Variants in GLIPR1L1 observed in about 807,000 individuals in gnomAD.
GLIPR1L1 encodes the protein GLIPR1-like protein 1.
A neutral mutation model predicts 29.9 loss-of-function variants in GLIPR1L1; 26 were observed. The observed-to-expected ratio is 0.87, with a 90% CI of 0.64 to 1.21. The LOEUF (loss-of-function observed/expected upper bound fraction) is 1.21. Among genes scored for constraint, GLIPR1L1 ranks in the 50% most tolerant of loss-of-function variants. The pLI is 0.00. For synonymous variants in GLIPR1L1, 77 were observed against 97.5 expected, an observed-to-expected ratio of 0.79 and a Z score of 1.24; for missense variants, 305 against 290.3, an observed-to-expected ratio of 1.05 and a Z score of -0.37.
chr12:75,352,314 C>A (rs949679911), intron 3 of GLIPR1L1, among the ~76,000 whole-genome samples: 7 of 152,116 alleles, frequency 4.6e-5, no homozygotes, highest in African/African-American at 1.7e-4. Flanking sequence ...GAAAATTTAC[C>A]AAGCAAATGG....
chr12:75,336,611 A>C (rs999791248), intron 1 of GLIPR1L1, among the ~76,000 whole-genome samples: 1 of 151,822 alleles, frequency 6.6e-6, no homozygotes, highest in Non-Finnish European at 1.5e-5. Flanking sequence ...AAGACACAGC[A>C]ATCTTCAATA....
At chr12:75,362,135 T>A (rs2043637262) in intron 3 of GLIPR1L1, among the ~76,000 whole-genome samples, 1 of 151,970 alleles carries the variant, frequency 6.6e-6, no homozygotes, top group Non-Finnish European at 1.5e-5. Flanking sequence ...AATTATCAAA[T>A]AAAGGATGTA....
intron 3 of GLIPR1L1, among the ~76,000 whole-genome samples, chr12:75,358,610 A>C (rs1164283192): frequency 6.6e-6 from 1 of 150,734 alleles, no homozygotes; most frequent in African/African-American, 2.4e-5. Flanking sequence ...ATAGTAAAAA[A>C]AAATTGTATG....
chr12:75,369,092 A>G (rs1170972300), intron 4 of GLIPR1L1, among the ~76,000 whole-genome samples: 5 of 151,980 alleles, frequency 3.3e-5, no homozygotes, highest in East Asian at 1.9e-4. Context: ...GCAATATAGC[A>G]TAACAGTTAT....
chr12:75,345,331 C>A (rs1300603979), intron 2 of GLIPR1L1, among the ~76,000 whole-genome samples: 1 of 151,990 alleles, frequency 6.6e-6, no homozygotes, highest in African/African-American at 2.4e-5. Flanking sequence ...ACCATTACTT[C>A]CTATAATTTT....
intron 4 of GLIPR1L1, among the ~76,000 whole-genome samples, chr12:75,365,730 TAGTC>T (rs1353513527): frequency 6.6e-6 from 1 of 152,150 alleles, no homozygotes; most frequent in Non-Finnish European, 1.5e-5. Flanking sequence ...AAAACTGTGA[TAGTC>T]ATCATTTAAA....
chr12:75,350,282 T>G (rs1428261418), intron 3 of GLIPR1L1, among the ~76,000 whole-genome samples: 1 of 152,238 alleles, frequency 6.6e-6, no homozygotes, highest in Non-Finnish European at 1.5e-5. Flanking sequence ...CACAGTATCA[T>G]GGACTGCAAT....
chr12:75,363,674 A>G (rs985198982), intron 4 of GLIPR1L1, among the ~76,000 whole-genome samples: 28 of 151,312 alleles, frequency 1.9e-4, no homozygotes, highest in East Asian at 1.4e-3. Flanking sequence ...AGGCCAGAGG[A>G]AAAAAAAATG....
rs2042733003 is a variant in GLIPR1L1 at position 75,350,469 on chromosome 12, T to C, written c.521+2747T>C. 3.3e-5 allele frequency among the ~76,000 whole-genome samples: 5 copies of C among 152,162 alleles called. 1 individual carries two copies. The South Asian group carries it at 1.0e-3, about 31-fold the overall frequency. On this transcript the variant is annotated intron_variant, in intron 3 of 5. Coordinates refer to ENST00000378695, the MANE Select transcript of GLIPR1L1 (RefSeq NM_001304964.2). ...GGCGGGCATCAGGTCAATGCCCCTC[T>C]GGGACAGAATGCCCAGTGGAAAGAT...
intron 4 of GLIPR1L1, chr12:75,369,370 A>G (rs2044204856): frequency 4.1e-6 from 1 of 243,240 alleles, no homozygotes; most frequent in Admixed American, 6.5e-5. Flanking sequence ...TTTTTCCACA[A>G]TAAAAGGGAT....
rs2042216779 is a variant in GLIPR1L1, at chr12:75,342,967, T to TC, written c.175-726_175-725insC. Among the ~76,000 whole-genome samples the TC allele has an allele frequency of 2.0e-5, 3 of 151,860 alleles. No homozygotes were observed. In the South Asian group the frequency reaches 6.2e-4, roughly 31 times the overall value. On this transcript the variant is annotated intron_variant, in intron 1 of 5. Transcript: ENST00000378695. ...GAATATATAGATATATAATAGATTTTGCATATTTTCCTTGTATCTTTCAAC... is the reference window on the plus strand; with the variant it reads ...GAATATATAGATATATAATAGATTTTCGCATATTTTCCTTGTATCTTTCAAC...
chr12:75,339,841 T>A lies in GLIPR1L1; in HGVS notation c.175-3852T>A, dbSNP rs117204028. 7.4e-4 allele frequency among the ~76,000 whole-genome samples: 112 copies of A among 152,200 alleles called. 3 individuals are homozygous for A. In the East Asian group the frequency reaches 0.018, roughly 25 times the overall value. On this transcript the variant is annotated intron_variant, in intron 1 of 5. Coordinates refer to ENST00000378695, the MANE Select transcript of GLIPR1L1 (RefSeq NM_001304964.2). Reference sequence around the variant, plus strand: ...TTCTCCCAGCGGAAAAGTTATTTACTGGTGATTTCTGAGATTTTGGTGCAC... The same window carrying A: ...TTCTCCCAGCGGAAAAGTTATTTACAGGTGATTTCTGAGATTTTGGTGCAC...
chr12:75,360,413 A>G (rs978338235), intron 3 of GLIPR1L1: 3 of 152,220 alleles, frequency 2.0e-5, no homozygotes, highest in Non-Finnish European at 2.9e-5. Flanking sequence ...TCCTAGATAC[A>G]ATGGGGATAC....
chr12:75,350,596 C>G (rs1175932277), intron 3 of GLIPR1L1, among the ~76,000 whole-genome samples: 2 of 152,156 alleles, frequency 1.3e-5, no homozygotes, highest in Non-Finnish European at 1.5e-5. Context: ...CAGGAAACCA[C>G]AGCAGCCCTA....
chr12:75,340,333 A>C (rs997467082), intron 1 of GLIPR1L1, among the ~76,000 whole-genome samples: 4 of 151,892 alleles, frequency 2.6e-5, no homozygotes, highest in African/African-American at 9.7e-5. Flanking sequence ...AAGATGCAAA[A>C]GTAATTCAGG....
At chr12:75,337,983 T>C (rs1297971564) in intron 1 of GLIPR1L1, among the ~76,000 whole-genome samples, 1 of 152,112 alleles carries the variant, frequency 6.6e-6, no homozygotes, top group Non-Finnish European at 1.5e-5. Flanking sequence ...CTTATGCCAT[T>C]ACATAAATTA....
At chr12:75,349,421 G>A (rs1431722977) in intron 3 of GLIPR1L1, among the ~76,000 whole-genome samples, 7 of 152,020 alleles carry the variant, frequency 4.6e-5, no homozygotes, top group Admixed American at 4.6e-4. Context: ...ACAATACCCA[G>A]CACCTAACAC....
intron 1 of GLIPR1L1, among the ~76,000 whole-genome samples, chr12:75,341,681 C>T (rs1382282089): frequency 6.6e-6 from 1 of 151,364 alleles, no homozygotes; most frequent in African/African-American, 2.4e-5. Flanking sequence ...CTCCTGATCT[C>T]GTGATCCGCC....
chr12:75,361,588 C>G (rs2043595266), intron 3 of GLIPR1L1, among the ~76,000 whole-genome samples: 1 of 152,184 alleles, frequency 6.6e-6, no homozygotes, highest in South Asian at 2.1e-4. Flanking sequence ...GTAATTGACT[C>G]ATGGTTCCAC....
Sources: allele counts gnomAD v4.1 joint callset (sites outside exome capture counted in the v4.1 genomes callset), GRCh38; gene constraint gnomAD v4.1.1; transcripts MANE v1.5; gene names NCBI Gene and HGNC (gene_info 2026-07-23, HGNC 2026-07-21).